Variants in LSAMP observed in about 807,000 individuals in gnomAD.
LSAMP encodes limbic system associated membrane protein, also known as limbic system-associated membrane protein.
Under a neutral mutation model 38.6 loss-of-function variants are expected in LSAMP, and 7 were observed. That is an observed-to-expected ratio of 0.18 (90% confidence interval 0.10 to 0.34). The LOEUF is 0.34. Ranked by LOEUF, LSAMP falls within the 10% of genes least tolerant of loss-of-function variation. The pLI, the probability that LSAMP is intolerant of heterozygous loss-of-function variation, is 1.00. For missense variants in LSAMP, 313 were observed against 420.0 expected (o/e 0.75, Z 2.23); for synonymous variants, 154 against 166.8 (o/e 0.92, Z 0.59).
chr3:116,280,350 C>A (rs2047112353), intron 1 of LSAMP, among the ~76,000 whole-genome samples: 1 of 152,134 alleles, frequency 6.6e-6, no homozygotes, highest in African/African-American at 2.4e-5. Flanking sequence ...CCTGAAGAGA[C>A]CTGAACTCAA....
intron 6 of LSAMP, among the ~76,000 whole-genome samples, chr3:115,817,500 G>T (rs1002951138): frequency 6.6e-6 from 1 of 152,116 alleles, no homozygotes; most frequent in African/African-American, 2.4e-5. Flanking sequence ...GCTCAGGTAG[G>T]TTAAATATTT....
chr3:116,406,659 G>C (rs2048902150), intron 1 of LSAMP, among the ~76,000 whole-genome samples: 1 of 151,972 alleles, frequency 6.6e-6, no homozygotes, highest in South Asian at 2.1e-4. Context: ...GAGAAAAAAT[G>C]GCAAATTTGG....
intron 2 of LSAMP, among the ~76,000 whole-genome samples, chr3:116,042,838 T>C (rs1941205176): frequency 6.6e-6 from 1 of 152,232 alleles, no homozygotes; most frequent in Non-Finnish European, 1.5e-5. Flanking sequence ...AAGAATGATG[T>C]TACTGAACAA....
intron 1 of LSAMP, among the ~76,000 whole-genome samples, chr3:116,193,122 T>C (rs1423705449): frequency 1.3e-5 from 2 of 152,202 alleles, no homozygotes; most frequent in Non-Finnish European, 2.9e-5. Flanking sequence ...ATAAACTTAC[T>C]ATGTCCTCCC....
chr3:116,216,058 T>C (rs1379887418), intron 1 of LSAMP, among the ~76,000 whole-genome samples: 1 of 152,210 alleles, frequency 6.6e-6, no homozygotes, highest in African/African-American at 2.4e-5. Context: ...GCAATATTTT[T>C]AGATGAATCT....
At chr3:116,085,770 C>G (rs375593581) in intron 2 of LSAMP, among the ~76,000 whole-genome samples, 4 of 152,192 alleles carry the variant, frequency 2.6e-5, no homozygotes, top group African/African-American at 9.7e-5. Context: ...ATCTTTGTCA[C>G]TGGATTTCAT....
chr3:115,976,115 A>G (rs1210770041), intron 3 of LSAMP, among the ~76,000 whole-genome samples: 1 of 152,120 alleles, frequency 6.6e-6, no homozygotes, highest in Non-Finnish European at 1.5e-5. Flanking sequence ...GTTTCTTCCC[A>G]TTTTAATCTG....
chr3:115,977,393 T>G (rs1409041911), intron 3 of LSAMP, among the ~76,000 whole-genome samples: 2 of 152,182 alleles, frequency 1.3e-5, no homozygotes, highest in Non-Finnish European at 1.5e-5. Flanking sequence ...ACATGATCTC[T>G]GGGGTGTTTC....
intron 1 of LSAMP, among the ~76,000 whole-genome samples, chr3:116,125,364 C>T (rs1324066282): frequency 6.6e-6 from 1 of 151,364 alleles, no homozygotes; most frequent in Non-Finnish European, 1.5e-5. Flanking sequence ...AGCAGTTCCC[C>T]CACCCCCGCC....
At chr3:116,160,212 C>G (rs1709850998) in intron 1 of LSAMP, among the ~76,000 whole-genome samples, 1 of 152,092 alleles carries the variant, frequency 6.6e-6, no homozygotes. Flanking sequence ...CCAGTCTGAC[C>G]AACATGGTGA....
chr3:115,916,146 CAAAG>C (rs1197932420), intron 3 of LSAMP, among the ~76,000 whole-genome samples: 3 of 152,010 alleles, frequency 2.0e-5, no homozygotes, highest in Non-Finnish European at 4.4e-5. Flanking sequence ...TGCAAGCAGA[CAAAG>C]AAGGCCACAG....
intron 6 of LSAMP, chr3:115,816,699 T>C: frequency 9.1e-7 from 1 of 1,103,772 alleles, no homozygotes; most frequent in Non-Finnish European, 1.2e-6. Context: ...TCTTTATCAA[T>C]TAAGAAGAAA....
At chr3:116,121,013 C>T (rs1393641833) in intron 1 of LSAMP, among the ~76,000 whole-genome samples, 1 of 152,124 alleles carries the variant, frequency 6.6e-6, no homozygotes, top group African/African-American at 2.4e-5. Flanking sequence ...ACAGGAACTC[C>T]AGGTTAAGAA....
chr3:115,850,707 C>T (rs544911555), intron 4 of LSAMP, among the ~76,000 whole-genome samples: 60 of 152,128 alleles, frequency 3.9e-4, no homozygotes, highest in Non-Finnish European at 5.3e-4. Flanking sequence ...GAAATGAGTG[C>T]CATAAACTAT....
At chr3:115,968,998 A>T (rs74879637) in intron 3 of LSAMP, among the ~76,000 whole-genome samples, 3,280 of 152,196 alleles carry the variant, frequency 0.022, 73 homozygotes, top group African/African-American at 0.062. Context: ...CAATGCAAAG[A>T]CCTACAATCA....
rs183333680 is a variant in LSAMP at position 116,268,882 on chromosome 3, T to A, written c.155+175995A>T. 2.2e-4 allele frequency among the ~76,000 whole-genome samples: 34 copies of A among 152,170 alleles called. No homozygotes were observed. The East Asian group carries it at 6.2e-3, about 28-fold the overall frequency. On this transcript the variant is annotated intron_variant, in intron 1 of 6. Transcript: ENST00000490035. ...AAATGGAACTAACTTTTTTGGGGAT[T>A]TGAACAGTCGGTGAAATAGCAGTCC...
chr3:115,999,611 C>G (rs976879104), intron 3 of LSAMP, among the ~76,000 whole-genome samples: 5 of 152,186 alleles, frequency 3.3e-5, no homozygotes, highest in Non-Finnish European at 5.9e-5. Flanking sequence ...CATCTCTAAA[C>G]CTTGGACATG....
At chr3:116,426,013 A>G (rs1005459825) in intron 1 of LSAMP, among the ~76,000 whole-genome samples, 21 of 152,166 alleles carry the variant, frequency 1.4e-4, no homozygotes, top group South Asian at 2.1e-4. Context: ...TGATGCAACA[A>G]AAACTGGAGG....
chr3:116,341,304 T>C (rs1469883690), intron 1 of LSAMP, among the ~76,000 whole-genome samples: 1 of 151,960 alleles, frequency 6.6e-6, no homozygotes, highest in Non-Finnish European at 1.5e-5. Context: ...TTGGTGGTGG[T>C]GGTGTAGTGT....
Sources: allele counts gnomAD v4.1 joint callset (sites outside exome capture counted in the v4.1 genomes callset), GRCh38; gene constraint gnomAD v4.1.1; transcripts MANE v1.5; gene names NCBI Gene and HGNC (gene_info 2026-07-23, HGNC 2026-07-21).